Variants in SOS1 observed in about 807,000 individuals in gnomAD.
SOS1 encodes SOS Ras/Rac guanine nucleotide exchange factor 1, also known as son of sevenless homolog 1.
In SOS1, 25 loss-of-function variants were observed where a neutral mutation model predicts 157.6. The observed-to-expected ratio is 0.16, with a 90% CI of 0.12 to 0.22. SOS1 has a LOEUF of 0.22. Ranked by LOEUF, SOS1 falls within the 10% of genes least tolerant of loss-of-function variation. The probability of loss-of-function intolerance (pLI) is 1.00; values close to 1 mark genes in which losing one functional copy is unlikely to be tolerated. For missense variants in SOS1, 1,237 were observed against 1,599.1 expected (o/e 0.77, Z 3.86); for synonymous variants, 528 against 534.0 (o/e 0.99, Z 0.16).
intron 6 of SOS1, among the ~76,000 whole-genome samples, chr2:39,039,908 G>C (rs1670497983): frequency 6.6e-6 from 1 of 152,126 alleles, no homozygotes; most frequent in Admixed American, 6.5e-5. Context: ...CATGTAAATG[G>C]AATCATACAA....
chr2:39,043,034 A>G (rs1296768291), intron 6 of SOS1, among the ~76,000 whole-genome samples: 1 of 152,142 alleles, frequency 6.6e-6, no homozygotes, highest in Non-Finnish European at 1.5e-5. Flanking sequence ...AGTACTCGCT[A>G]TTAGAGTGAA....
chr2:39,045,759 G>C (rs1670760109), intron 6 of SOS1, among the ~76,000 whole-genome samples: 2 of 152,278 alleles, frequency 1.3e-5, no homozygotes, highest in East Asian at 1.9e-4. Context: ...GCCCAGGCTG[G>C]AGTGCAGTGG....
intron 5 of SOS1, among the ~76,000 whole-genome samples, chr2:39,051,954 T>C (rs1438811913): frequency 6.6e-6 from 1 of 152,180 alleles, no homozygotes; most frequent in Non-Finnish European, 1.5e-5. Context: ...TTTTCAATAT[T>C]GGTTGTGCAG....
intron 1 of SOS1, among the ~76,000 whole-genome samples, chr2:39,110,037 T>C (rs73930505): frequency 8.3e-4 from 84 of 101,708 alleles, no homozygotes; most frequent in African/African-American, 1.8e-3. Context: ...TGTGTGTGTG[T>C]GCGTGTGTGT....
chr2:39,114,247 C>T (rs1673557292), intron 1 of SOS1, among the ~76,000 whole-genome samples: 1 of 152,042 alleles, frequency 6.6e-6, no homozygotes, highest in Non-Finnish European at 1.5e-5. Flanking sequence ...AGGTGCGTGC[C>T]ACCAAGCCTG....
At chr2:39,038,718 A>G in intron 6 of SOS1, among the ~76,000 whole-genome samples, 1 of 138,608 alleles carries the variant, frequency 7.2e-6, no homozygotes, top group African/African-American at 2.7e-5. Flanking sequence ...TGGCAACAAA[A>G]TGAGACTCCG....
intron 1 of SOS1, among the ~76,000 whole-genome samples, chr2:39,117,865 T>C (rs1457113822): frequency 6.6e-6 from 1 of 152,186 alleles, no homozygotes; most frequent in Non-Finnish European, 1.5e-5. Flanking sequence ...CCCAACATTT[T>C]AAACCAGTCA....
chr2:38,991,459 C>G (rs1668730693), intron 20 of SOS1, among the ~76,000 whole-genome samples: 1 of 152,166 alleles, frequency 6.6e-6, no homozygotes, highest in Non-Finnish European at 1.5e-5. Context: ...AATCTTCAAA[C>G]AGGAAGGTAA....
chr2:39,114,813 G>C (rs1361197684), intron 1 of SOS1, among the ~76,000 whole-genome samples: 2 of 152,158 alleles, frequency 1.3e-5, no homozygotes, highest in South Asian at 2.1e-4. Flanking sequence ...GGCCAGGCTG[G>C]TCTCAAACTC....
intron 19 of SOS1, among the ~76,000 whole-genome samples, chr2:38,996,007 A>G (rs1435719902): frequency 1.3e-5 from 2 of 152,218 alleles, no homozygotes; most frequent in Non-Finnish European, 2.9e-5. Flanking sequence ...GCTGTCAGGC[A>G]ATTGCATACA....
chr2:39,077,639 C>T (rs1672060601), intron 1 of SOS1, among the ~76,000 whole-genome samples: 1 of 152,012 alleles, frequency 6.6e-6, no homozygotes, highest in South Asian at 2.1e-4. Flanking sequence ...AGTGCAGAAA[C>T]AGAAAGACCA....
Position 39,012,291 on chromosome 2 carries a change from A to G in SOS1, c.2225T>C (p.Ile742Thr), listed in dbSNP as rs767494615. 8.3e-5 allele frequency: 134 copies of G among 1,612,794 alleles called. No individual in the cohort carries two copies. Among genetic ancestry groups the G allele is most frequent in the Non-Finnish European group, 1.0e-4 (118 of 1,179,352 alleles). The change falls in exon 14 of 23, where the codon ATT becomes ACT. Residue 742 changes from isoleucine to threonine, a missense_variant. Around this residue, in one of 15 missense-constraint regions of SOS1, gnomAD observed 39 missense variants for 40.5 expected, o/e 0.96. Transcript: ENST00000402219. ...SITKIIQRKK[I>T]ARDNGPGHNI... ...ATGACCTGGTCCATTGTCTCTTGCA[A>G]TTTTTTTCCTTTGGATTATTTTAGT...
In SOS1 at chr2:38,984,779, T is replaced by C. The variant is rs557146207; in HGVS notation, c.*1045A>G. ...ATTAAATTAAAACAGACCTGCCAGG[T>C]ATATTATATAACATTCACTATATAC... On this transcript the variant is annotated 3_prime_UTR_variant, in exon 23 of 23. Coordinates refer to ENST00000402219, the MANE Select transcript of SOS1 (RefSeq NM_005633.4). The C allele has an allele frequency of 6.6e-6, 1 of 152,282 alleles. No homozygotes were observed. The highest frequency in any genetic ancestry group is 1.9e-4 in the East Asian group (1 of 5,182). 9.4% of individuals were successfully genotyped at this position (152,282 alleles called of 1,614,324 possible). A position where few individuals can be genotyped will look rare whatever the true frequency, so the allele number is the denominator to read the frequency against.
At chr2:39,018,301 A>G (rs776601407) in intron 10 of SOS1, among the ~76,000 whole-genome samples, 1 of 151,876 alleles carries the variant, frequency 6.6e-6, no homozygotes, top group Non-Finnish European at 1.5e-5. Context: ...TCAACAACCA[A>G]AACTTTTTCT....
rs1321827536 is a variant in SOS1 at position 38,991,890 on chromosome 2, A to G, written c.3347-2576T>C. Reference sequence around the variant, plus strand: ...GATACTGGCTGAAATAATTAATTATAGGTTTTTAAAAGTAGATTATTTTGG... The same window carrying G: ...GATACTGGCTGAAATAATTAATTATGGGTTTTTAAAAGTAGATTATTTTGG... On this transcript the variant is annotated intron_variant, in intron 20 of 22. Coordinates refer to ENST00000402219, the MANE Select transcript of SOS1 (RefSeq NM_005633.4). Among the ~76,000 whole-genome samples the G allele has an allele frequency of 2.6e-5, 4 of 152,186 alleles. No individual in the cohort carries two copies. In the East Asian group the frequency reaches 7.7e-4, roughly 29 times the overall value.
At position 38,997,988 on chromosome 2, in the gene SOS1, A is replaced by C. The variant is rs1668955504; in HGVS notation, c.2792-563T>G. The stretch of plus-strand genomic sequence containing the variant: ...AATTGAGAAGTAGTACTATTTGGAT[A>C]GGCTTACTCATGGAAATGTGGAAGG... On this transcript the variant is annotated intron_variant, in intron 17 of 22. Transcript: ENST00000402219. Among the ~76,000 whole-genome samples the C allele has an allele frequency of 2.6e-5, 4 of 152,294 alleles. No individual in the cohort carries two copies. The South Asian group carries it at 8.3e-4, about 32-fold the overall frequency.
intron 2 of SOS1, 31 bp from the exon 3 acceptor site, chr2:39,058,835 A>G (rs1330431310): frequency 6.4e-7 from 1 of 1,573,910 alleles, no homozygotes; most frequent in Middle Eastern, 1.7e-4. Flanking sequence ...CAACTAAGCA[A>G]AAAATATATT....
intron 1 of SOS1, among the ~76,000 whole-genome samples, chr2:39,084,015 G>C (rs546346747): frequency 1.0e-3 from 157 of 152,202 alleles, no homozygotes; most frequent in African/African-American, 3.6e-3. Flanking sequence ...CTTAATAAGA[G>C]GAGAAAATTT....
intron 17 of SOS1, among the ~76,000 whole-genome samples, chr2:39,001,814 T>G (rs967076236): frequency 2.6e-5 from 4 of 152,074 alleles, no homozygotes; most frequent in African/African-American, 9.7e-5. Context: ...GTAGATAAAC[T>G]ACCTTAAAGG....
Sources: allele counts gnomAD v4.1 joint callset (sites outside exome capture counted in the v4.1 genomes callset), GRCh38; gene constraint gnomAD v4.1.1; regional missense constraint gnomAD v4.1.1; transcripts MANE v1.5; gene names NCBI Gene and HGNC (gene_info 2026-07-23, HGNC 2026-07-21).